Variants in ATXN1 observed in about 807,000 individuals in gnomAD.
The protein encoded by ATXN1 is ataxin-1.
Under a neutral mutation model 56.4 loss-of-function variants are expected in ATXN1, and 8 were observed. That is an observed-to-expected ratio of 0.14 (90% CI 0.08 to 0.26). The LOEUF (loss-of-function observed/expected upper bound fraction) is 0.26. Among genes scored for constraint, ATXN1 ranks in the 10% least tolerant of loss-of-function variants. ATXN1 has a pLI of 1.00. For missense variants in ATXN1, 987 were observed against 1,106.5 expected, an observed-to-expected ratio of 0.89 and a Z score of 1.53; for synonymous variants, 514 against 494.6, an observed-to-expected ratio of 1.04 and a Z score of -0.52.
intron 5 of ATXN1, among the ~76,000 whole-genome samples, 175 bp downstream of exon 5, chr6:16,522,452 C>T (rs1761311162): frequency 6.6e-6 from 1 of 152,088 alleles, no homozygotes; most frequent in South Asian, 2.1e-4. Context: ...GGAAACCATC[C>T]TCTCCAAAGG....
intron 7 of ATXN1, among the ~76,000 whole-genome samples, chr6:16,323,525 C>CAAAAAAAAAAAAAAAAA (rs35308265): frequency 2.0e-5 from 1 of 48,828 alleles, no homozygotes; most frequent in Non-Finnish European, 3.6e-5. Flanking sequence ...ACTCTGTCTC[C>CAAAAAAAAAAAAAAAAA]AAAAAAAAAA....
intron 6 of ATXN1, among the ~76,000 whole-genome samples, chr6:16,421,969 T>C (rs1258688206): frequency 6.6e-6 from 1 of 152,228 alleles, no homozygotes; most frequent in Non-Finnish European, 1.5e-5. Flanking sequence ...ATGCATTTTT[T>C]ATTATATGCC....
At chr6:16,519,989 C>T (rs1053709955) in intron 5 of ATXN1, among the ~76,000 whole-genome samples, 4 of 152,204 alleles carry the variant, frequency 2.6e-5, no homozygotes, top group African/African-American at 9.7e-5. Flanking sequence ...CCTCATCCTG[C>T]CCAGGATACA....
At chr6:16,560,190 G>T (rs977031087) in intron 4 of ATXN1, among the ~76,000 whole-genome samples, 2 of 152,164 alleles carry the variant, frequency 1.3e-5, no homozygotes, top group South Asian at 4.2e-4. Context: ...GTTAGGGTTA[G>T]AACGAAAACA....
At chr6:16,752,332 C>A (rs1412230884) in intron 2 of ATXN1, among the ~76,000 whole-genome samples, 1 of 152,154 alleles carries the variant, frequency 6.6e-6, no homozygotes, top group African/African-American at 2.4e-5. Context: ...GTTCCCAAAC[C>A]TGTGGAGCAT....
At chr6:16,339,998 G>C (rs2113438279) in intron 6 of ATXN1, among the ~76,000 whole-genome samples, 1 of 152,306 alleles carries the variant, frequency 6.6e-6, no homozygotes, top group Non-Finnish European at 1.5e-5. Context: ...GGCCAGGATG[G>C]TCTCGATCTC....
chr6:16,543,224 C>A (rs1054682304), intron 4 of ATXN1, among the ~76,000 whole-genome samples: 1 of 152,216 alleles, frequency 6.6e-6, no homozygotes, highest in Non-Finnish European at 1.5e-5. Flanking sequence ...GCAGCCACCA[C>A]CACCTCTCAT....
intron 6 of ATXN1, among the ~76,000 whole-genome samples, chr6:16,377,648 A>G (rs1762170462): frequency 6.6e-6 from 1 of 152,136 alleles, no homozygotes; most frequent in Non-Finnish European, 1.5e-5. Flanking sequence ...GCAGAGAGGA[A>G]CAAGACTATC....
intron 5 of ATXN1, among the ~76,000 whole-genome samples, chr6:16,516,342 T>C (rs890820357): frequency 1.3e-5 from 2 of 152,312 alleles, no homozygotes; most frequent in Middle Eastern, 3.4e-3. Flanking sequence ...TACTGTGTGC[T>C]GTGTGAGAGG....
intron 6 of ATXN1, among the ~76,000 whole-genome samples, chr6:16,472,169 T>C (rs1411159109): frequency 6.6e-6 from 1 of 152,110 alleles, no homozygotes; most frequent in Non-Finnish European, 1.5e-5. Context: ...CACACCTGCG[T>C]CTTCACCCCA....
intron 4 of ATXN1, among the ~76,000 whole-genome samples, chr6:16,574,321 T>A (rs929847049): frequency 2.0e-5 from 3 of 152,260 alleles, no homozygotes; most frequent in Non-Finnish European, 2.9e-5. Flanking sequence ...TTCTCCTGCC[T>A]CAGCCTCTTG....
intron 6 of ATXN1, among the ~76,000 whole-genome samples, chr6:16,479,824 C>T (rs1291027908): frequency 6.6e-6 from 1 of 152,154 alleles, no homozygotes; most frequent in African/African-American, 2.4e-5. Flanking sequence ...ATTCTTTAGG[C>T]ATCCCAAGTT....
intron 2 of ATXN1, among the ~76,000 whole-genome samples, chr6:16,752,032 T>C (rs1760737386): frequency 6.6e-6 from 1 of 152,158 alleles, no homozygotes; most frequent in African/African-American, 2.4e-5. Flanking sequence ...TAAGTCCAGA[T>C]GGGTTGATTA....
intron 3 of ATXN1, among the ~76,000 whole-genome samples, chr6:16,587,348 AAATG>A (rs1301719739): frequency 1.3e-5 from 2 of 152,350 alleles, no homozygotes; most frequent in South Asian, 4.1e-4. Context: ...AAAGATATGA[AAATG>A]AAGAGAGGAA....
chr6:16,525,246 A>G (rs1761368692), intron 4 of ATXN1, among the ~76,000 whole-genome samples: 1 of 152,242 alleles, frequency 6.6e-6, no homozygotes, highest in Admixed American at 6.5e-5. Flanking sequence ...CACTGTTTAC[A>G]ATAGCTAAGA....
chr6:16,744,310 T>G (rs1039654119), intron 2 of ATXN1, among the ~76,000 whole-genome samples: 20 of 152,078 alleles, frequency 1.3e-4, no homozygotes, highest in Non-Finnish European at 2.6e-4. Context: ...CCTACATGGA[T>G]GAAAACCAGC....
intron 6 of ATXN1, among the ~76,000 whole-genome samples, chr6:16,372,740 C>G (rs1762065695): frequency 6.6e-6 from 1 of 151,818 alleles, no homozygotes; most frequent in Non-Finnish European, 1.5e-5. Context: ...CCAGTGAGAA[C>G]TCATCTCTAC....
chr6:16,504,117 G>A (rs1465848086), intron 5 of ATXN1, among the ~76,000 whole-genome samples: 1 of 152,106 alleles, frequency 6.6e-6, no homozygotes, highest in Non-Finnish European at 1.5e-5. Context: ...CAAGAAATGT[G>A]GTAAATGTGG....
chr6:16,609,841 C>A (rs1763072961), intron 3 of ATXN1, among the ~76,000 whole-genome samples: 1 of 152,016 alleles, frequency 6.6e-6, no homozygotes, highest in African/African-American at 2.4e-5. Context: ...TGATTTGCAC[C>A]TTTGAAGAAG....
Sources: allele counts gnomAD v4.1 joint callset (sites outside exome capture counted in the v4.1 genomes callset), GRCh38; gene constraint gnomAD v4.1.1; transcripts MANE v1.5; gene names NCBI Gene and HGNC (gene_info 2026-07-23, HGNC 2026-07-21).